Variants in MMS22L observed in about 807,000 individuals in gnomAD.
MMS22L encodes the protein MMS22 like, DNA repair protein.
MMS22L carries 74 observed loss-of-function variants against 159.1 expected under a neutral mutation model. The ratio of observed to expected loss-of-function variants is 0.47; its 90% confidence interval spans 0.39 to 0.56. MMS22L has a LOEUF of 0.56. MMS22L is among the 20% of genes least tolerant of loss of function. MMS22L has a pLI of 0.00. For missense variants in MMS22L, 1,351 were observed against 1,422.1 expected (o/e 0.95, Z 0.80); for synonymous variants, 517 against 506.9 (o/e 1.02, Z -0.27).
intron 9 of MMS22L, chr6:97,258,524 T>C (rs927539264): frequency 1.2e-4 from 18 of 152,298 alleles, no homozygotes; most frequent in African/African-American, 4.3e-4. Context: ...CACATATACA[T>C]TTATATATAG....
Position 97,153,525 on chromosome 6 carries a change from C to A in MMS22L, c.3386-1658G>T, listed in dbSNP as rs1394452047. Among the ~76,000 whole-genome samples the A allele has an allele frequency of 5.9e-5, 9 of 151,892 alleles. No individual in the cohort carries two copies. The East Asian group carries it at 1.7e-3, about 29-fold the overall frequency. The stretch of plus-strand genomic sequence containing the variant: ...TAACTGGGATTACAAGTGCATGCCA[C>A]CACGCCCGGCTAATTTTGTATTTTT... On this transcript the variant is annotated intron_variant, in intron 22 of 24. Transcript: ENST00000683635.
At chr6:97,278,920 G>C (rs369092213) in intron 3 of MMS22L, 22 bp from the exon 4 acceptor site, 5 of 1,606,774 alleles carry the variant, frequency 3.1e-6, no homozygotes, top group East Asian at 2.2e-5. Flanking sequence ...AATGTAAGGT[G>C]AGAGTTAATT....
At chr6:97,150,356 G>C (rs1325430971) in intron 23 of MMS22L, among the ~76,000 whole-genome samples, 1 of 152,010 alleles carries the variant, frequency 6.6e-6, no homozygotes, top group Non-Finnish European at 1.5e-5. Context: ...AAGGATATGG[G>C]AGACAGTAAC....
At chr6:97,204,535 T>A (rs1807539533) in intron 14 of MMS22L, among the ~76,000 whole-genome samples, 1 of 152,180 alleles carries the variant, frequency 6.6e-6, no homozygotes, top group South Asian at 2.1e-4. Context: ...CTCATGCTTG[T>A]AATCCCAACA....
At chr6:97,244,461 G>A (rs1460923800) in intron 11 of MMS22L, among the ~76,000 whole-genome samples, 2 of 152,190 alleles carry the variant, frequency 1.3e-5, no homozygotes, top group East Asian at 3.9e-4. Context: ...TGCCAAAGCA[G>A]ATTAACATTT....
In MMS22L at chr6:97,254,371, A is replaced by G. The variant is rs1020016377; in HGVS notation, c.1119+186T>C. On this transcript the variant is annotated intron_variant, in intron 10 of 24. Transcript: ENST00000683635. ...AAATCTTCTACAAGTAATTTTTTTTAATTAAACAATTAAAACATAAACTTT... is the reference window on the plus strand; with the variant it reads ...AAATCTTCTACAAGTAATTTTTTTTGATTAAACAATTAAAACATAAACTTT... 3 of 559,952 alleles carry G rather than the reference A, an allele frequency of 5.4e-6. No individual in the cohort carries two copies. In the East Asian group the frequency reaches 9.7e-5, roughly 18 times the overall value. 34.7% of individuals were successfully genotyped at this position (559,952 alleles called of 1,614,324 possible). A position where few individuals can be genotyped will look rare whatever the true frequency, so the allele number is the denominator to read the frequency against.
At chr6:97,203,732 T>C (rs753238393) in intron 14 of MMS22L, among the ~76,000 whole-genome samples, 1 of 152,174 alleles carries the variant, frequency 6.6e-6, no homozygotes, top group South Asian at 2.1e-4. Flanking sequence ...GCTGGGACAA[T>C]CAATGAATTT....
intron 9 of MMS22L, among the ~76,000 whole-genome samples, chr6:97,258,043 T>C (rs1423915642): frequency 6.6e-6 from 1 of 152,122 alleles, no homozygotes; most frequent in Non-Finnish European, 1.5e-5. Context: ...AGAGCTTCCC[T>C]TTTCCCAATT....
intron 4 of MMS22L, among the ~76,000 whole-genome samples, chr6:97,277,410 T>C (rs1020680096): frequency 1.3e-5 from 2 of 151,828 alleles, no homozygotes; most frequent in South Asian, 2.1e-4. Context: ...CGAGACTCCA[T>C]CTCAAAAAAT....
intron 18 of MMS22L, among the ~76,000 whole-genome samples, chr6:97,173,499 GA>G (rs962747313): frequency 1.3e-5 from 2 of 149,934 alleles, no homozygotes; most frequent in African/African-American, 2.5e-5. Flanking sequence ...AAATATCAGT[GA>G]AAAAAAAATG....
intron 14 of MMS22L, among the ~76,000 whole-genome samples, chr6:97,215,724 C>T (rs1263638066): frequency 6.6e-6 from 1 of 152,052 alleles, no homozygotes; most frequent in African/African-American, 2.4e-5. Context: ...AGAAATAATA[C>T]TCGCACTCAC....
intron 20 of MMS22L, among the ~76,000 whole-genome samples, chr6:97,167,258 C>A (rs1004111092): frequency 1.3e-5 from 2 of 152,098 alleles, no homozygotes. Context: ...CTACTATCTA[C>A]GCAGATAGCC....
chr6:97,278,782 G>T, intron 4 of MMS22L, 67 bp downstream of exon 4: 1 of 1,295,112 alleles, frequency 7.7e-7, no homozygotes, highest in Non-Finnish European at 1.1e-6. Context: ...ATACCATCAT[G>T]GACCCATGTG....
At chr6:97,260,450 G>T (rs1283697516) in intron 9 of MMS22L, 1 of 151,918 alleles carries the variant, frequency 6.6e-6, no homozygotes, top group African/African-American at 2.4e-5. Flanking sequence ...CAGTCATGTT[G>T]TAATTTAGTC....
chr6:97,169,098 A>AACCTCCATGAACTTCAGTTT (rs1251491493), intron 19 of MMS22L, among the ~76,000 whole-genome samples: 1 of 152,258 alleles, frequency 6.6e-6, no homozygotes, highest in East Asian at 1.9e-4. Context: ...AACTTCAGTT[A>AACCTCCATGAACTTCAGTTT]ACCTCCATGA....
chr6:97,229,169 A>C lies in MMS22L; in HGVS notation c.1764T>G (p.Ile588Met), dbSNP rs1264288898. ...ATGAAAATTTCTCAGCCAAAACACCAATGTCCAGATTTTTCTGGGCATACA... is the reference window on the plus strand; with the variant it reads ...ATGAAAATTTCTCAGCCAAAACACCCATGTCCAGATTTTTCTGGGCATACA... The part of the protein sequence containing the change: ...LLMYAQKNLD[I>M]GVLAEKFSCA... The change falls in exon 14 of 25, where the codon ATT becomes ATG. Residue 588 changes from isoleucine (I) to methionine (M), a missense_variant. Physicochemically the swap from Ile to Met is conservative, Grantham distance 10 (BLOSUM62 1). Coordinates refer to ENST00000683635, the MANE Select transcript of MMS22L (RefSeq NM_001350599.2). The C allele has an allele frequency of 6.2e-7, 1 of 1,614,134 alleles. No homozygotes were observed. Among genetic ancestry groups the C allele is most frequent in the South Asian group, 1.1e-5 (1 of 91,076 alleles).
At chr6:97,273,295 C>A (rs1309833920) in intron 4 of MMS22L, among the ~76,000 whole-genome samples, 1 of 152,128 alleles carries the variant, frequency 6.6e-6, no homozygotes, top group African/African-American at 2.4e-5. Flanking sequence ...GTAACTTGCT[C>A]CCACAGTAGC....
At chr6:97,282,239 G>A (rs1816817517) in intron 2 of MMS22L, 75 bp downstream of exon 2, 3 of 1,469,398 alleles carry the variant, frequency 2.0e-6, no homozygotes, top group South Asian at 2.5e-5. Flanking sequence ...AAAGTTTAAT[G>A]GGCTGAAATA....
chr6:97,267,623 T>G (rs1317039596), intron 8 of MMS22L: 5 of 178,258 alleles, frequency 2.8e-5, no homozygotes, highest in Non-Finnish European at 5.0e-5. Context: ...TTTGTCAAAA[T>G]AGAAAAGGCT....
Sources: allele counts gnomAD v4.1 joint callset (sites outside exome capture counted in the v4.1 genomes callset), GRCh38; gene constraint gnomAD v4.1.1; transcripts MANE v1.5; gene names NCBI Gene and HGNC (gene_info 2026-07-23, HGNC 2026-07-21).